The following NUDCD3 variants were observed in gnomAD, a reference collection of about 807,000 sequenced individuals.
NUDCD3 encodes the protein nudC domain-containing protein 3.
In NUDCD3, 13 loss-of-function variants were observed where a neutral mutation model predicts 39.7. The observed-to-expected ratio is 0.33, with a 90% confidence interval of 0.21 to 0.52. The LOEUF (loss-of-function observed/expected upper bound fraction) is 0.52, where lower values mean the gene tolerates loss of function less well. Among genes scored for constraint, NUDCD3 ranks in the 20% least tolerant of loss-of-function variants. The pLI is 0.96. For missense variants in NUDCD3, 453 were observed against 458.1 expected (o/e 0.99, Z 0.10); for synonymous variants, 175 against 172.4 (o/e 1.02, Z -0.12).
intron 2 of NUDCD3, chr7:44,467,790 T>A: frequency 1.4e-6 from 1 of 735,346 alleles, no homozygotes; most frequent in Non-Finnish European, 2.3e-6. Context: ...CACCCTATTG[T>A]ATATAAGAAA....
At chr7:44,431,984 T>C (rs1799373174) in intron 2 of NUDCD3, among the ~76,000 whole-genome samples, 1 of 152,106 alleles carries the variant, frequency 6.6e-6, no homozygotes, top group South Asian at 2.1e-4. Context: ...CTTCCATTTG[T>C]TTTTAAAAAC....
chr7:44,413,425 T>A (rs1798966743), intron 3 of NUDCD3: 1 of 152,142 alleles, frequency 6.6e-6, no homozygotes. Flanking sequence ...CTGCAATACA[T>A]ATCACCTACA....
At chr7:44,490,173 G>C (rs991422012) in intron 1 of NUDCD3, 2 of 497,674 alleles carry the variant, frequency 4.0e-6, no homozygotes, top group Non-Finnish European at 7.1e-6. Context: ...GCTGAGTAGG[G>C]CTCTTAACAG....
chr7:44,488,561 C>G (rs908881221), intron 1 of NUDCD3, among the ~76,000 whole-genome samples: 2 of 152,100 alleles, frequency 1.3e-5, no homozygotes, highest in Non-Finnish European at 2.9e-5. Context: ...CTCTAGCTCC[C>G]AAAAGATCTA....
At chr7:44,400,031 G>A (rs1436628137) in intron 4 of NUDCD3, among the ~76,000 whole-genome samples, 1 of 152,176 alleles carries the variant, frequency 6.6e-6, no homozygotes, top group African/African-American at 2.4e-5. Context: ...GCATAGCCAT[G>A]TCCAAGAGCC....
At chr7:44,471,525 G>T (rs552682036) in intron 2 of NUDCD3, among the ~76,000 whole-genome samples, 88 of 152,294 alleles carry the variant, frequency 5.8e-4, no homozygotes, top group African/African-American at 2.0e-3. Context: ...GACAGAATGA[G>T]CAGGGCAAGC....
chr7:44,488,594 T>C (rs1800666773), intron 1 of NUDCD3, among the ~76,000 whole-genome samples: 1 of 152,174 alleles, frequency 6.6e-6, no homozygotes, highest in Non-Finnish European at 1.5e-5. Context: ...CAATAGCCTA[T>C]GGGCAGGGAC....
chr7:44,392,508 C>T (rs1198654093), intron 4 of NUDCD3, 23 bp from the exon 5 acceptor site: 10 of 1,609,504 alleles, frequency 6.2e-6, no homozygotes, highest in Non-Finnish European at 8.5e-6. Flanking sequence ...AGGACAGAGA[C>T]CTGAGTCAGA....
intron 2 of NUDCD3, among the ~76,000 whole-genome samples, chr7:44,450,526 T>A (rs1172541054): frequency 6.6e-6 from 1 of 151,936 alleles, no homozygotes; most frequent in East Asian, 1.9e-4. Flanking sequence ...GCATACTGGC[T>A]CACACCTGTA....
Position 44,404,382 on chromosome 7 carries a change from G to A in NUDCD3, c.786+58C>T. The A allele has an allele frequency of 6.5e-6, 10 of 1,546,430 alleles. No individual in the cohort carries two copies. In the South Asian group the frequency reaches 8.0e-5, roughly 12 times the overall value. On this transcript the variant is annotated intron_variant, in intron 4 of 5. Coordinates refer to ENST00000355451, the MANE Select transcript of NUDCD3 (RefSeq NM_015332.4). ...TAAATAGGCTTGTTGGTCAAAAGGG[G>A]CATCACTGCAGGTTTGAAGTCCACC... is the stretch of plus-strand genomic sequence containing the variant.
chr7:44,421,835 A>G (rs948562541), intron 3 of NUDCD3, among the ~76,000 whole-genome samples: 21 of 152,346 alleles, frequency 1.4e-4, no homozygotes, highest in Admixed American at 1.1e-3. Flanking sequence ...CAGAATATAC[A>G]TTCTTCTCAG....
intron 3 of NUDCD3, among the ~76,000 whole-genome samples, 171 bp from the exon 4 acceptor site, chr7:44,404,754 A>G (rs1434618523): frequency 7.6e-6 from 1 of 131,824 alleles, no homozygotes; most frequent in Admixed American, 8.0e-5. Flanking sequence ...TTATACCTAG[A>G]GCAACCTGAA....
intron 2 of NUDCD3, among the ~76,000 whole-genome samples, chr7:44,480,604 T>C (rs961859730): frequency 6.6e-6 from 1 of 152,026 alleles, no homozygotes; most frequent in African/African-American, 2.4e-5. Flanking sequence ...ATCAAAATAT[T>C]CCCAAAAAAT....
intron 3 of NUDCD3, among the ~76,000 whole-genome samples, chr7:44,413,995 G>A (rs1782856520): frequency 6.6e-6 from 1 of 151,464 alleles, no homozygotes; most frequent in South Asian, 2.1e-4. Flanking sequence ...GGACAAGGCT[G>A]CAGCGGGCCA....
At chr7:44,408,704 T>A (rs372922999) in intron 3 of NUDCD3, among the ~76,000 whole-genome samples, 1 of 152,162 alleles carries the variant, frequency 6.6e-6, no homozygotes, top group African/African-American at 2.4e-5. Flanking sequence ...CCAGGGAGCA[T>A]TAATTCAAGG....
chr7:44,409,841 CATTTT>C (rs1263520650), intron 3 of NUDCD3, among the ~76,000 whole-genome samples: 7 of 151,904 alleles, frequency 4.6e-5, no homozygotes, highest in Non-Finnish European at 1.0e-4. Context: ...TTATTATTAC[CATTTT>C]TTTAAGAATC....
At chr7:44,419,049 A>G (rs2116891067) in intron 3 of NUDCD3, among the ~76,000 whole-genome samples, 2 of 151,632 alleles carry the variant, frequency 1.3e-5, no homozygotes, top group Middle Eastern at 6.8e-3. Context: ...TTTTGTTTTC[A>G]TACCCCAGTG....
chr7:44,438,581 C>A (rs1225372680), intron 2 of NUDCD3, among the ~76,000 whole-genome samples: 1 of 148,840 alleles, frequency 6.7e-6, no homozygotes, highest in Non-Finnish European at 1.5e-5. Flanking sequence ...CCCCACCCCA[C>A]CCCACACCCA....
chr7:44,445,331 A>T (rs1799672072), intron 2 of NUDCD3, among the ~76,000 whole-genome samples: 1 of 152,228 alleles, frequency 6.6e-6, no homozygotes, highest in South Asian at 2.1e-4. Flanking sequence ...TCTAAAGATA[A>T]GCCCCAATTC....
Sources: gnomAD v4.1 joint callset for allele counts (sites outside exome capture counted in the v4.1 genomes callset) on GRCh38, gnomAD v4.1.1 for gene constraint, MANE v1.5 for transcripts, NCBI Gene and HGNC (gene_info 2026-07-23, HGNC 2026-07-21) for gene names.